NFAM1: variants seen among roughly 807,000 people sequenced by gnomAD.
The protein encoded by NFAM1 is NFAT activation molecule 1.
NFAM1 carries 17 observed loss-of-function variants against 29.0 expected under a neutral mutation model. That is an observed-to-expected ratio of 0.59 (90% CI 0.40 to 0.88). The LOEUF is 0.88. Among genes scored for constraint, NFAM1 ranks in the 40% least tolerant of loss-of-function variants. The pLI is 0.00. For synonymous variants in NFAM1, 175 were observed against 147.2 expected, an observed-to-expected ratio of 1.19 and a Z score of -1.36; for missense variants, 324 against 344.6, an observed-to-expected ratio of 0.94 and a Z score of 0.47.
chr22:42,391,722 A>G (rs1278889540), intron 4 of NFAM1, among the ~76,000 whole-genome samples: 6 of 151,908 alleles, frequency 3.9e-5, no homozygotes, highest in African/African-American at 1.2e-4. Flanking sequence ...AGGCAGGCGG[A>G]TCATTTGAGG....
In NFAM1 at chr22:42,409,540, C is replaced by T; in HGVS notation, c.459G>A (p.Gly153=). Residue 153 remains glycine (G), a synonymous_variant, in exon 3 of 6, where the codon GGG becomes GGA. Coordinates refer to ENST00000329021, the MANE Select transcript of NFAM1 (RefSeq NM_145912.8). The surrounding 1 kb of genome is among the most constrained non-coding windows in gnomAD (Gnocchi z 4.9). Reference sequence around the variant, plus strand: ...GTGGACTCTGCGGGGGCTCTCGGTACCCTGCGTCTAGGAGGAAGCGCAGGG... The same window carrying T: ...GTGGACTCTGCGGGGGCTCTCGGTATCCTGCGTCTAGGAGGAAGCGCAGGG... ...SGTFILVRDA[G]YREPPQSPQK... The T allele has an allele frequency of 1.3e-6, 2 of 1,514,498 alleles. No homozygotes were observed. Among genetic ancestry groups the T allele is most frequent in the Non-Finnish European group, 1.8e-6 (2 of 1,128,914 alleles). 93.8% of individuals were successfully genotyped at this position (1,514,498 alleles called of 1,614,324 possible). A position where few individuals can be genotyped will look rare whatever the true frequency, so the allele number is the denominator to read the frequency against.
At chr22:42,432,815 G>A (rs895841284), upstream of NFAM1, among the ~76,000 whole-genome samples, 1 of 152,224 alleles carries the variant, frequency 6.6e-6, no homozygotes, top group African/African-American at 2.4e-5. Context: ...GTTTACCAAA[G>A]GTAGGTTTTT....
chr22:42,411,721 G>T lies in NFAM1; in HGVS notation c.137C>A (p.Thr46Asn), dbSNP rs756299199. The T allele has an allele frequency of 1.9e-6, 3 of 1,613,092 alleles. No individual in the cohort carries two copies. Among genetic ancestry groups the T allele is most frequent in the Non-Finnish European group, 2.5e-6 (3 of 1,179,118 alleles). The change falls in exon 2 of 6, where the codon ACC becomes AAC. Residue 46 changes from threonine (T) to asparagine (N), a missense_variant. Transcript: ENST00000329021. ...TLRLAGGQSV[T>N]HTGLPIMASL... ...GGCCATGATGGGCAGGCCGGTGTGGGTCACTGACTGTCCTCCTGGAGGGGA... is the reference window on the plus strand; with the variant it reads ...GGCCATGATGGGCAGGCCGGTGTGGTTCACTGACTGTCCTCCTGGAGGGGA...
In NFAM1 at chr22:42,419,989, G is replaced by GTTTTTT. The variant is rs1491236869; in HGVS notation, c.122-8254_122-8253insAAAAAA. Among the ~76,000 whole-genome samples the GTTTTTT allele has an allele frequency of 2.2e-3, 122 of 56,518 alleles. 10 individuals carry two copies. The Middle Eastern group carries it at 0.024, about 11-fold the overall frequency. The allele number at this position is 56,518 out of a possible 152,430, so 37.1% of individuals were successfully genotyped here. A position where few individuals can be genotyped will look rare whatever the true frequency, so the allele number is the denominator to read the frequency against. ...CCTTTGAGTCTGTAATCCCACTCTT[G>GTTTTTT]GTTTTTTTTTTTTTTTTTTTTTTTT... On this transcript the variant is annotated intron_variant, in intron 1 of 5. Coordinates refer to ENST00000329021, the MANE Select transcript of NFAM1 (RefSeq NM_145912.8). The surrounding 1 kb of genome is among the most constrained non-coding windows in gnomAD (Gnocchi z 4.5).
rs917626956 is a variant in NFAM1 at position 42,388,960 on chromosome 22, C to T, written c.664-1882G>A. 1.2e-4 allele frequency among the ~76,000 whole-genome samples: 18 copies of T among 152,330 alleles called. No homozygotes were observed. Among genetic ancestry groups the T allele is most frequent in the African/African-American group, 4.3e-4 (18 of 41,584 alleles). On this transcript the variant is annotated intron_variant, in intron 4 of 5. Coordinates refer to ENST00000329021, the MANE Select transcript of NFAM1 (RefSeq NM_145912.8). This position sits in a 1 kb window ranked among gnomAD's most constrained non-coding sequence, Gnocchi z 4.1. ...CTTCGTGCCTGTCCGGAGCACCAGCCACCCCAGCTGGTCTGGCACCCAGGA... is the reference window on the plus strand; with the variant it reads ...CTTCGTGCCTGTCCGGAGCACCAGCTACCCCAGCTGGTCTGGCACCCAGGA...
chr22:42,401,755 A>G (rs572122258), intron 3 of NFAM1, among the ~76,000 whole-genome samples: 21 of 152,006 alleles, frequency 1.4e-4, no homozygotes, highest in Non-Finnish European at 2.6e-4. Context: ...TCCCTAGTAG[A>G]TGGTGGTGGG....
At chr22:42,433,558 A>G (rs1353439629), upstream of NFAM1, among the ~76,000 whole-genome samples, 1 of 152,164 alleles carries the variant, frequency 6.6e-6, no homozygotes, top group East Asian at 1.9e-4. Context: ...TGACGGCATC[A>G]TGAGATCCAT....
At chr22:42,426,990 C>T (rs1930645248) in intron 1 of NFAM1, among the ~76,000 whole-genome samples, 1 of 152,102 alleles carries the variant, frequency 6.6e-6, no homozygotes, top group Admixed American at 6.5e-5. Flanking sequence ...CGGGGGGGCT[C>T]GTGGAGGTTC....
intron 3 of NFAM1, among the ~76,000 whole-genome samples, chr22:42,407,903 C>CTTTTTTTTTTTTTTTTTTTTTTT (rs61407898): frequency 9.7e-6 from 1 of 103,312 alleles, no homozygotes. Flanking sequence ...ACAGATTTCT[C>CTTTTTTTTTTTTTTTTTTTTTTT]TTTTTTTTTT....
intron 3 of NFAM1, among the ~76,000 whole-genome samples, chr22:42,406,551 A>G (rs1929904792): frequency 6.6e-6 from 1 of 152,040 alleles, no homozygotes; most frequent in Non-Finnish European, 1.5e-5. Context: ...TCTGCCTCAG[A>G]GCACCTGCAT....
intron 3 of NFAM1, among the ~76,000 whole-genome samples, chr22:42,408,653 G>A (rs527768392): frequency 1.4e-4 from 22 of 152,346 alleles, no homozygotes; most frequent in African/African-American, 5.3e-4. Context: ...AGACTGCCTC[G>A]GCCTCTGGCC....
rs71328660 is a variant in NFAM1 at position 42,424,187 on chromosome 22, G to A, written c.121+8050C>T. Reference sequence around the variant, plus strand: ...TCCCAGCACTTTGGGAGGCCAAGGCGGGCGGATCACAACGTCAGGAGATTG... The same window carrying A: ...TCCCAGCACTTTGGGAGGCCAAGGCAGGCGGATCACAACGTCAGGAGATTG... On this transcript the variant is annotated intron_variant, in intron 1 of 5. Transcript: ENST00000329021. Among the ~76,000 whole-genome samples the A allele has an allele frequency of 3.2e-4, 48 of 152,200 alleles. No individual in the cohort carries two copies. In the South Asian group the frequency reaches 7.0e-3, roughly 22 times the overall value.
chr22:42,410,288 C>T (rs1038458894), intron 2 of NFAM1: 1 of 261,748 alleles, frequency 3.8e-6, no homozygotes, highest in African/African-American at 2.3e-5. Context: ...TCCAGGGGAT[C>T]GCAGAGGTAG....
At chr22:42,424,755 A>AG (rs1419650416) in intron 1 of NFAM1, among the ~76,000 whole-genome samples, 1 of 151,962 alleles carries the variant, frequency 6.6e-6, no homozygotes, top group Non-Finnish European at 1.5e-5. Flanking sequence ...GGGGGGTACA[A>AG]GGGGATGCCT....
Position 42,388,648 on chromosome 22 carries a change from G to A in NFAM1, c.664-1570C>T, listed in dbSNP as rs976361420. Among the ~76,000 whole-genome samples, 4 of 152,130 alleles carry A rather than the reference G, an allele frequency of 2.6e-5. No individual in the cohort carries two copies. The highest frequency in any genetic ancestry group is 2.6e-4 in the Admixed American group (4 of 15,270). On this transcript the variant is annotated intron_variant, in intron 4 of 5. Transcript: ENST00000329021. This position sits in a 1 kb window ranked among gnomAD's most constrained non-coding sequence, Gnocchi z 4.1. Reference sequence around the variant, plus strand: ...AGAGGCAGGAGGAGGGCGGGAGGCGGGAGGGAAGGAGGGAGGGAGGCAGGC... The same window carrying A: ...AGAGGCAGGAGGAGGGCGGGAGGCGAGAGGGAAGGAGGGAGGGAGGCAGGC...
chr22:42,408,436 T>G (rs58144320), intron 3 of NFAM1, among the ~76,000 whole-genome samples: 5,859 of 152,286 alleles, frequency 0.038, 362 homozygotes, highest in African/African-American at 0.13. Flanking sequence ...GGGCTGTTGC[T>G]GACTCAGCTG....
chr22:42,397,210 G>A (rs1189756304), intron 4 of NFAM1, among the ~76,000 whole-genome samples: 1 of 152,142 alleles, frequency 6.6e-6, no homozygotes, highest in African/African-American at 2.4e-5. Context: ...GGCTGGCCAG[G>A]CTGGGGCAGC....
intron 1 of NFAM1, among the ~76,000 whole-genome samples, chr22:42,417,803 G>A (rs988283427): frequency 6.6e-6 from 1 of 152,136 alleles, no homozygotes; most frequent in African/African-American, 2.4e-5. Context: ...TGGGGGAGGA[G>A]GGGTGGAGCA....
In NFAM1 at chr22:42,383,560, A is replaced by G. The variant is rs1338373899; in HGVS notation, c.*1601T>C. The G allele has an allele frequency of 6.6e-6, 1 of 152,636 alleles. No individual in the cohort carries two copies. Among genetic ancestry groups the G allele is most frequent in the Non-Finnish European group, 1.5e-5 (1 of 68,046 alleles). The allele number at this position is 152,636 out of a possible 1,614,324, so 9.5% of individuals were successfully genotyped here. On this transcript the variant is annotated 3_prime_UTR_variant, in exon 6 of 6. Coordinates refer to ENST00000329021, the MANE Select transcript of NFAM1 (RefSeq NM_145912.8). ...GGGAGGCCACTGGCTGTCCTGTGGG[A>G]CCAGAGAAGTCTGGTGCCACCCTAG...
Sources: gnomAD v4.1 joint callset for allele counts (sites outside exome capture counted in the v4.1 genomes callset) on GRCh38, gnomAD v4.1.1 for gene constraint, Gnocchi (gnomAD v3.1) non-coding constraint, MANE v1.5 for transcripts, NCBI Gene and HGNC (gene_info 2026-07-23, HGNC 2026-07-21) for gene names.